SHB: variants seen among roughly 807,000 people sequenced by gnomAD.
SHB encodes the protein SH2 domain-containing adapter protein B.
A neutral mutation model predicts 52.3 loss-of-function variants in SHB; 20 were observed. That is an observed-to-expected ratio of 0.38 (90% CI 0.27 to 0.56). The LOEUF is 0.56. Among genes scored for constraint, SHB ranks in the 20% least tolerant of loss-of-function variants. The pLI is 0.71. For missense variants in SHB, 825 were observed against 723.3 expected, an observed-to-expected ratio of 1.14 and a Z score of -1.61; for synonymous variants, 397 against 316.5, an observed-to-expected ratio of 1.25 and a Z score of -2.70.
chr9:37,990,826 C>T (rs955880093), intron 2 of SHB, among the ~76,000 whole-genome samples: 4 of 152,144 alleles, frequency 2.6e-5, no homozygotes, highest in Admixed American at 2.0e-4. Flanking sequence ...CGGAATCGTT[C>T]AATAGAACAA....
intron 3 of SHB, among the ~76,000 whole-genome samples, chr9:37,957,970 GTTGGGAAGGAAGCTGGGCTTCCTAGTC>G (rs1344039570): frequency 6.6e-6 from 1 of 152,214 alleles, no homozygotes; most frequent in African/African-American, 2.4e-5. Flanking sequence ...CTGGAAGGGA[GTTGGGAAGGAAGCTGGGCTTCCTAGTC>G]TTGGGAAGGA....
chr9:38,059,398 C>G (rs1389487348), intron 1 of SHB, among the ~76,000 whole-genome samples: 1 of 152,202 alleles, frequency 6.6e-6, no homozygotes. Flanking sequence ...CAAGATCCTT[C>G]CTTTACAGCA....
chr9:38,017,456 G>A lies in SHB; in HGVS notation c.718-1325C>T, dbSNP rs547383743. Among the ~76,000 whole-genome samples the A allele has an allele frequency of 7.9e-5, 12 of 152,354 alleles. No individual in the cohort carries two copies. In the South Asian group the frequency reaches 1.9e-3, roughly 24 times the overall value. ...GTCTGCCTGGTAAATGGCAGCTTGT[G>A]GCAGCCGTCCTGGCAGGGTGAGCAA... On this transcript the variant is annotated intron_variant, in intron 1 of 5. Transcript: ENST00000377707.
intron 2 of SHB, among the ~76,000 whole-genome samples, chr9:37,977,404 T>G (rs1168546591): frequency 1.3e-5 from 2 of 152,146 alleles, no homozygotes; most frequent in African/African-American, 2.4e-5. Context: ...AGAGAGAGAA[T>G]AAGAAGGGAA....
rs558617358 is a variant in SHB, at chr9:37,917,985, C to T, written c.*1836G>A. ...AAAGGGGCAGGGCTCAGTCCCAGCTCGACACGTGGCCTTGGCGAGTCCTCC... is the reference window on the plus strand; with the variant it reads ...AAAGGGGCAGGGCTCAGTCCCAGCTTGACACGTGGCCTTGGCGAGTCCTCC... On this transcript the variant is annotated 3_prime_UTR_variant, in exon 6 of 6. Coordinates refer to ENST00000377707, the MANE Select transcript of SHB (RefSeq NM_003028.3). Among the ~76,000 whole-genome samples the T allele has an allele frequency of 2.0e-4, 30 of 152,328 alleles. No homozygotes were observed. The highest frequency in any genetic ancestry group is 1.3e-4 in the Admixed American group (2 of 15,302).
chr9:37,937,069 C>T (rs2117856240), intron 5 of SHB, among the ~76,000 whole-genome samples: 1 of 152,366 alleles, frequency 6.6e-6, no homozygotes, highest in East Asian at 1.9e-4. Flanking sequence ...GTCAGACTTA[C>T]TTTCTTTCTC....
At chr9:37,975,770 C>T (rs1334608470) in intron 2 of SHB, among the ~76,000 whole-genome samples, 1 of 152,198 alleles carries the variant, frequency 6.6e-6, no homozygotes, top group Non-Finnish European at 1.5e-5. Flanking sequence ...AGGAACCTCA[C>T]TGTTCCCAGC....
intron 3 of SHB, among the ~76,000 whole-genome samples, chr9:37,966,328 T>C (rs1418011135): frequency 6.6e-6 from 1 of 152,142 alleles, no homozygotes; most frequent in South Asian, 2.1e-4. Flanking sequence ...CAAAGGCACT[T>C]GGAGGAATAT....
At chr9:38,010,567 G>A (rs1024757640) in intron 2 of SHB, among the ~76,000 whole-genome samples, 18 of 152,146 alleles carry the variant, frequency 1.2e-4, no homozygotes, top group African/African-American at 4.3e-4. Flanking sequence ...TGGGATGCCT[G>A]ACTCAGTTCT....
chr9:37,964,640 T>C (rs1410120521), intron 3 of SHB, among the ~76,000 whole-genome samples: 3 of 152,148 alleles, frequency 2.0e-5, no homozygotes, highest in Admixed American at 6.5e-5. Context: ...AGACGTGAAC[T>C]TGGACTTGAG....
At chr9:38,012,315 GC>G (rs1036999993) in intron 2 of SHB, among the ~76,000 whole-genome samples, 1 of 152,192 alleles carries the variant, frequency 6.6e-6, no homozygotes, top group African/African-American at 2.4e-5. Context: ...TAGGAAGTCA[GC>G]CCCACAACTG....
At chr9:37,952,304 C>A (rs963610172) in intron 4 of SHB, among the ~76,000 whole-genome samples, 3 of 152,266 alleles carry the variant, frequency 2.0e-5, no homozygotes, top group Admixed American at 1.3e-4. Flanking sequence ...GGCCTGAGAA[C>A]ATGAGAAGGA....
chr9:38,007,151 G>T (rs1470872865), intron 2 of SHB, among the ~76,000 whole-genome samples: 1 of 152,238 alleles, frequency 6.6e-6, no homozygotes, highest in African/African-American at 2.4e-5. Context: ...TAGCCACCCA[G>T]TCAATGAATG....
At chr9:37,962,509 C>CT (rs61534080) in intron 3 of SHB, among the ~76,000 whole-genome samples, 64,220 of 145,622 alleles carry the variant, frequency 0.44, 13,947 homozygotes, top group East Asian at 0.76. Context: ...CTTCATCTTT[C>CT]TTTTTTTTTT....
intron 3 of SHB, among the ~76,000 whole-genome samples, chr9:37,959,273 G>T (rs935796274): frequency 6.6e-6 from 1 of 152,148 alleles, no homozygotes; most frequent in Non-Finnish European, 1.5e-5. Context: ...GGCACAGAAG[G>T]GGATGTGGTC....
intron 2 of SHB, among the ~76,000 whole-genome samples, chr9:37,990,057 C>T (rs1043092740): frequency 6.6e-6 from 1 of 152,196 alleles, no homozygotes. Flanking sequence ...AGGTTCCAGA[C>T]TGTGTGAAAG....
chr9:37,989,462 C>T (rs1197674456), intron 2 of SHB, among the ~76,000 whole-genome samples: 1 of 152,142 alleles, frequency 6.6e-6, no homozygotes, highest in Admixed American at 6.5e-5. Flanking sequence ...GGAGCGATCA[C>T]CTGCCAGGGG....
At chr9:37,979,289 G>A (rs1241445176) in intron 2 of SHB, among the ~76,000 whole-genome samples, 1 of 152,210 alleles carries the variant, frequency 6.6e-6, no homozygotes, top group Middle Eastern at 3.2e-3. Flanking sequence ...GGGGGTTTCT[G>A]TTGACCTCTG....
rs543576301 is a variant in SHB, at chr9:37,990,144, G to A, written c.839-15307C>T. Among the ~76,000 whole-genome samples the A allele has an allele frequency of 1.9e-4, 29 of 152,272 alleles. No homozygotes were observed. The South Asian group carries it at 5.8e-3, about 30-fold the overall frequency. On this transcript the variant is annotated intron_variant, in intron 2 of 5. Transcript: ENST00000377707. ...ATGGCCTCATCTCCCCTGGTGGTCT[G>A]TTCCAATGGAGTCCCCTCTAGGTGC... is the stretch of plus-strand genomic sequence containing the variant.
Sources: allele counts gnomAD v4.1 joint callset (sites outside exome capture counted in the v4.1 genomes callset), GRCh38; gene constraint gnomAD v4.1.1; transcripts MANE v1.5; gene names NCBI Gene and HGNC (gene_info 2026-07-23, HGNC 2026-07-21).